Variants in ZNF395 observed in about 807,000 individuals in gnomAD.
The protein encoded by ZNF395 is HD gene regulatory region-binding protein 2.
Under a neutral mutation model 57.7 loss-of-function variants are expected in ZNF395, and 20 were observed. That is an observed-to-expected ratio of 0.35 (90% CI 0.24 to 0.50). The LOEUF (loss-of-function observed/expected upper bound fraction) is 0.50. Among genes scored for constraint, ZNF395 ranks in the 20% least tolerant of loss-of-function variants. The probability of loss-of-function intolerance (pLI) is 0.97; values close to 1 mark genes in which losing one functional copy is unlikely to be tolerated. For missense variants in ZNF395, 606 were observed against 671.2 expected (o/e 0.90, Z 1.07); for synonymous variants, 295 against 275.9 (o/e 1.07, Z -0.69).
Position 28,385,728 on chromosome 8 carries a change from G to A in ZNF395, c.-59+665C>T, listed in dbSNP as rs576064765. The stretch of plus-strand genomic sequence containing the variant: ...GGGCCGGTCCCTGTCCCTGCGAGGG[G>A]CGAGTCCCGACTGCCCGAAGTCGGG... On this transcript the variant is annotated intron_variant, in intron 1 of 9. Coordinates refer to ENST00000344423, the MANE Select transcript of ZNF395 (RefSeq NM_018660.3). 4.4e-3 allele frequency among the ~76,000 whole-genome samples: 660 copies of A among 148,768 alleles called. 2 individuals are homozygous for A. Among genetic ancestry groups the A allele is most frequent in the African/African-American group, 0.015 (635 of 41,216 alleles).
At chr8:28,362,345 A>G (rs1801860481) in intron 1 of ZNF395, among the ~76,000 whole-genome samples, 1 of 152,278 alleles carries the variant, frequency 6.6e-6, no homozygotes, top group Non-Finnish European at 1.5e-5. Flanking sequence ...CCTCCTACAG[A>G]GCACACGTGG....
Position 28,359,493 on chromosome 8 carries a change from C to T in ZNF395, c.473+99G>A, listed in dbSNP as rs1801821717. 1.4e-6 allele frequency: 2 copies of T among 1,458,408 alleles called. No homozygotes were observed. Among genetic ancestry groups the T allele is most frequent in the Non-Finnish European group, 1.8e-6 (2 of 1,097,630 alleles). The allele number at this position is 1,458,408 out of a possible 1,614,324, so 90.3% of individuals were successfully genotyped here. On this transcript the variant is annotated intron_variant, in intron 3 of 9. Transcript: ENST00000344423. This position sits in a 1 kb window ranked among gnomAD's most constrained non-coding sequence, Gnocchi z 4.7. ...TCCCAATATCTTGGCACCCAGATGCCAATGACACCACATTTCTTCCCCACC... is the reference window on the plus strand; with the variant it reads ...TCCCAATATCTTGGCACCCAGATGCTAATGACACCACATTTCTTCCCCACC...
At chr8:28,369,717 T>C (rs1246915899) in intron 1 of ZNF395, among the ~76,000 whole-genome samples, 1 of 152,124 alleles carries the variant, frequency 6.6e-6, no homozygotes, top group African/African-American at 2.4e-5. Flanking sequence ...TGGGAGCTAA[T>C]CCCGCCCACA....
chr8:28,366,512 C>A (rs745675199), intron 1 of ZNF395, among the ~76,000 whole-genome samples: 1 of 150,248 alleles, frequency 6.7e-6, no homozygotes, highest in African/African-American at 2.4e-5. Context: ...AATAAATAAT[C>A]AAAGGCCAAA....
intron 1 of ZNF395, among the ~76,000 whole-genome samples, chr8:28,371,418 C>T (rs942289188): frequency 1.3e-5 from 2 of 152,146 alleles, no homozygotes; most frequent in Admixed American, 6.5e-5. Flanking sequence ...TGGGCTCAAT[C>T]GATCCTCCTG....
At chr8:28,349,274 G>A in intron 8 of ZNF395, 46 bp from the exon 9 acceptor site, 3 of 1,453,904 alleles carry the variant, frequency 2.1e-6, no homozygotes, top group Non-Finnish European at 2.8e-6. Flanking sequence ...ATTCAGGAAA[G>A]GTGAGGGAGC....
chr8:28,360,138 C>T (rs1213344480), intron 2 of ZNF395, among the ~76,000 whole-genome samples: 3 of 152,228 alleles, frequency 2.0e-5, no homozygotes, highest in Non-Finnish European at 4.4e-5. Flanking sequence ...GGATGCACTG[C>T]CTGTCTGCTG....
chr8:28,373,253 C>T (rs1801998314), intron 1 of ZNF395, among the ~76,000 whole-genome samples: 1 of 152,246 alleles, frequency 6.6e-6, no homozygotes, highest in African/African-American at 2.4e-5. Context: ...ACAAAGCTGT[C>T]TTCGGGAAGG....
intron 8 of ZNF395, 25 bp downstream of exon 8, chr8:28,350,039 C>G: frequency 7.1e-6 from 11 of 1,559,832 alleles, no homozygotes; most frequent in Non-Finnish European, 9.5e-6. Flanking sequence ...ATACGAGGCC[C>G]CAGCCGTGCT....
intron 1 of ZNF395, among the ~76,000 whole-genome samples, chr8:28,362,892 T>C (rs909044799): frequency 3.3e-5 from 5 of 152,244 alleles, no homozygotes; most frequent in Admixed American, 3.3e-4. Flanking sequence ...TCTACTGGCA[T>C]AGTATCTCCA....
intron 1 of ZNF395, among the ~76,000 whole-genome samples, chr8:28,383,351 G>A (rs907932729): frequency 8.5e-5 from 13 of 152,124 alleles, no homozygotes; most frequent in Admixed American, 2.6e-4. Context: ...TCTACTTGCA[G>A]GGTGCCAGGC....
In ZNF395 at chr8:28,352,288, C is replaced by A. The variant is rs1162917630; in HGVS notation, c.920+285G>T. On this transcript the variant is annotated intron_variant, in intron 6 of 9. Transcript: ENST00000344423. The surrounding 1 kb of genome is among the most constrained non-coding windows in gnomAD (Gnocchi z 4.0). ...TAAACATCTTGGAAACGGGGTCTCA[C>A]CAGCAACTAAACCAAATGACCCCGT... Among the ~76,000 whole-genome samples the A allele has an allele frequency of 6.6e-6, 1 of 152,206 alleles. No individual in the cohort carries two copies. Among genetic ancestry groups the A allele is most frequent in the Admixed American group, 6.5e-5 (1 of 15,284 alleles).
intron 1 of ZNF395, among the ~76,000 whole-genome samples, chr8:28,374,720 A>G (rs962655573): frequency 6.6e-6 from 1 of 152,196 alleles, no homozygotes; most frequent in African/African-American, 2.4e-5. Flanking sequence ...GAAAAAAGAG[A>G]AAGTATGTCA....
chr8:28,361,854 G>C (rs1801853829), intron 1 of ZNF395, among the ~76,000 whole-genome samples: 1 of 152,142 alleles, frequency 6.6e-6, no homozygotes, highest in African/African-American at 2.4e-5. Flanking sequence ...CACTTTGGGA[G>C]GCTGAGATAG....
At chr8:28,351,166 G>A (rs1013044425) in intron 7 of ZNF395, among the ~76,000 whole-genome samples, 1 of 152,140 alleles carries the variant, frequency 6.6e-6, no homozygotes, top group Non-Finnish European at 1.5e-5. Context: ...CTAGGACCTA[G>A]ACGTCACGTG....
chr8:28,355,572 AGT>A (rs1402578743), intron 4 of ZNF395, among the ~76,000 whole-genome samples: 1 of 151,918 alleles, frequency 6.6e-6, no homozygotes. Flanking sequence ...TGGGAACTGG[AGT>A]CAATAATTTT....
chr8:28,366,482 G>A (rs1340533320), intron 1 of ZNF395, among the ~76,000 whole-genome samples: 1 of 151,158 alleles, frequency 6.6e-6, no homozygotes, highest in East Asian at 1.9e-4. Flanking sequence ...GAGGCAGGAG[G>A]ATCGTCTGAG....
chr8:28,354,802 G>A (rs765595861), intron 4 of ZNF395, among the ~76,000 whole-genome samples: 7 of 151,328 alleles, frequency 4.6e-5, no homozygotes, highest in Non-Finnish European at 1.0e-4. Flanking sequence ...AAAGACCCAC[G>A]CACATCCACT....
chr8:28,385,993 G>C (rs1023776647), intron 1 of ZNF395: 17 of 146,894 alleles, frequency 1.2e-4, no homozygotes, highest in African/African-American at 3.7e-4. Context: ...CTAGGTCCCC[G>C]CGCAGCTCAC....
Sources: gnomAD v4.1 joint callset for allele counts (sites outside exome capture counted in the v4.1 genomes callset) on GRCh38, gnomAD v4.1.1 for gene constraint, Gnocchi (gnomAD v3.1) non-coding constraint, MANE v1.5 for transcripts, NCBI Gene and HGNC (gene_info 2026-07-23, HGNC 2026-07-21) for gene names.